FARP1: variants seen among roughly 807,000 people sequenced by gnomAD.
The protein encoded by FARP1 is FERM, ARH/RhoGEF and pleckstrin domain protein 1.
In FARP1, 52 loss-of-function variants were observed where a neutral mutation model predicts 128.8. The observed-to-expected ratio is 0.40, with a 90% CI of 0.32 to 0.51. The LOEUF (loss-of-function observed/expected upper bound fraction) is 0.51, where lower values mean the gene tolerates loss of function less well. Among genes scored for constraint, FARP1 ranks in the 20% least tolerant of loss-of-function variants. The probability of loss-of-function intolerance (pLI) is 0.45; values close to 1 mark genes in which losing one functional copy is unlikely to be tolerated. For synonymous variants in FARP1, 580 were observed against 551.8 expected (o/e 1.05, Z -0.72); for missense variants, 1,333 against 1,367.9 (o/e 0.97, Z 0.40).
intron 1 of FARP1, among the ~76,000 whole-genome samples, chr13:98,184,228 C>T (rs576028698): frequency 6.6e-6 from 1 of 151,864 alleles, no homozygotes; most frequent in Non-Finnish European, 1.5e-5. Flanking sequence ...AGCGATTCTC[C>T]TGCCTCAGCC....
chr13:98,268,289 G>A (rs1884222802), intron 2 of FARP1, among the ~76,000 whole-genome samples: 1 of 152,170 alleles, frequency 6.6e-6, no homozygotes, highest in African/African-American at 2.4e-5. Context: ...TGAAATTTGT[G>A]CTGTCTGGCC....
rs1893286114 is a variant in FARP1, at chr13:98,453,255, T to C, written c.*4938T>C. On this transcript the variant is annotated 3_prime_UTR_variant, in exon 27 of 27. Coordinates refer to ENST00000319562, the MANE Select transcript of FARP1 (RefSeq NM_005766.4). ...AGAAGTCAACACATGTCATTTCTCA[T>C]CCCTGTGCAAAAATTCATATAGTAA... 6.3e-7 allele frequency: 1 copy of C among 1,585,872 alleles called. No individual in the cohort carries two copies. Among genetic ancestry groups the C allele is most frequent in the Non-Finnish European group, 8.6e-7 (1 of 1,167,440 alleles).
chr13:98,384,841 A>ACAT lies in FARP1; in HGVS notation c.609_611dup (p.Ile204dup). The ACAT allele has an allele frequency of 1.9e-6, 3 of 1,590,106 alleles. No homozygotes were observed. The highest frequency in any genetic ancestry group is 2.6e-6 in the Non-Finnish European group (3 of 1,158,102). ...AAAATCGTGGAATTTCACCATAACC[A>ACAT]CATGTAAGTCTCATTCTTGGCTTCA... is the stretch of plus-strand genomic sequence containing the variant. On this transcript the variant is annotated inframe_insertion, in exon 7 of 27. Coordinates refer to ENST00000319562, the MANE Select transcript of FARP1 (RefSeq NM_005766.4).
At chr13:98,246,530 C>T (rs1883076488) in intron 2 of FARP1, among the ~76,000 whole-genome samples, 1 of 152,034 alleles carries the variant, frequency 6.6e-6, no homozygotes, top group Non-Finnish European at 1.5e-5. Context: ...GTTAGAGTCT[C>T]AAAATAAGTG....
chr13:98,179,128 C>CT (rs1312078117), intron 1 of FARP1, among the ~76,000 whole-genome samples: 2 of 152,176 alleles, frequency 1.3e-5, no homozygotes, highest in Non-Finnish European at 2.9e-5. Context: ...AAGAAAAAGG[C>CT]TTAATGGACT....
chr13:98,326,620 G>A (rs1423075432), intron 2 of FARP1, among the ~76,000 whole-genome samples: 1 of 152,172 alleles, frequency 6.6e-6, no homozygotes, highest in African/African-American at 2.4e-5. Flanking sequence ...AGAACAATAT[G>A]TAATTTTCAC....
In FARP1 at chr13:98,453,381, GAGA is replaced by G. The variant is rs1269258149; in HGVS notation, c.*5068_*5070del. ...TTTTAAAAGAATGCATATAAAGACT[GAGA>G]AGATCATGATTCTTACACAAAAACT... On this transcript the variant is annotated 3_prime_UTR_variant, in exon 27 of 27. Transcript: ENST00000319562. The G allele has an allele frequency of 3.2e-4, 206 of 646,090 alleles. No individual in the cohort carries two copies. In the Admixed American group the frequency reaches 4.2e-3, roughly 13 times the overall value. The allele number at this position is 646,090 out of a possible 1,614,324, so 40.0% of individuals were successfully genotyped here.
At chr13:98,179,473 C>G (rs1878348670) in intron 1 of FARP1, among the ~76,000 whole-genome samples, 1 of 152,140 alleles carries the variant, frequency 6.6e-6, no homozygotes, top group African/African-American at 2.4e-5. Context: ...GAAGACTTAT[C>G]TCACATTCCG....
At chr13:98,333,369 A>G (rs1351146289) in intron 2 of FARP1, 1 of 149,174 alleles carries the variant, frequency 6.7e-6, no homozygotes, top group Non-Finnish European at 1.5e-5. Flanking sequence ...TTCTCCCCTA[A>G]ATGTTTTTGT....
intron 12 of FARP1, among the ~76,000 whole-genome samples, chr13:98,394,960 A>G (rs1404991320): frequency 6.6e-6 from 1 of 152,252 alleles, no homozygotes; most frequent in East Asian, 1.9e-4. Flanking sequence ...AAACCCCAGC[A>G]TGAGTCGGCG....
chr13:98,397,000 A>G (rs3848021), intron 13 of FARP1: 91,631 of 152,154 alleles, frequency 0.6, 28,532 homozygotes, highest in Non-Finnish European at 0.69. Flanking sequence ...TCAAGGCCAA[A>G]TGTAAATTGA....
At chr13:98,396,280 C>T in intron 13 of FARP1, 1 of 399,204 alleles carries the variant, frequency 2.5e-6, no homozygotes, top group Non-Finnish European at 4.4e-6. Context: ...GCTGGCACCC[C>T]TGCAAGTGAC....
At chr13:98,311,069 A>G (rs949191253) in intron 2 of FARP1, among the ~76,000 whole-genome samples, 5 of 152,234 alleles carry the variant, frequency 3.3e-5, no homozygotes, top group African/African-American at 1.2e-4. Context: ...GTTGCTTCTT[A>G]GTAATCATTA....
chr13:98,200,612 A>G (rs189649892), intron 1 of FARP1, among the ~76,000 whole-genome samples: 125 of 152,310 alleles, frequency 8.2e-4, no homozygotes, highest in Middle Eastern at 3.4e-3. Context: ...AGTTGAGACT[A>G]GAGCTGTCTC....
chr13:98,262,933 C>T (rs1377854917), intron 2 of FARP1, among the ~76,000 whole-genome samples: 4 of 152,148 alleles, frequency 2.6e-5, no homozygotes, highest in Non-Finnish European at 4.4e-5. Context: ...GTTAGCACGT[C>T]ATTTTACTAA....
chr13:98,148,271 G>T (rs1045957622), intron 1 of FARP1, among the ~76,000 whole-genome samples: 2 of 152,152 alleles, frequency 1.3e-5, no homozygotes, highest in African/African-American at 4.8e-5. Flanking sequence ...CCAGCTACTC[G>T]GGAGGCTGAG....
chr13:98,340,602 T>A (rs980449643), intron 2 of FARP1: 2 of 152,348 alleles, frequency 1.3e-5, no homozygotes, highest in African/African-American at 2.4e-5. Flanking sequence ...CGCCTCGGCC[T>A]CCCAAAGTGC....
At chr13:98,214,696 G>A (rs1033803930) in intron 2 of FARP1, among the ~76,000 whole-genome samples, 12 of 152,142 alleles carry the variant, frequency 7.9e-5, no homozygotes, top group African/African-American at 2.4e-4. Flanking sequence ...AATTTATTGC[G>A]CACTGCAAAC....
chr13:98,240,283 G>C (rs1225837231), intron 2 of FARP1, among the ~76,000 whole-genome samples: 3 of 152,192 alleles, frequency 2.0e-5, no homozygotes, highest in Non-Finnish European at 2.9e-5. Flanking sequence ...GGCCTTGGAG[G>C]GGTCAGCGAG....
Sources: gnomAD v4.1 joint callset for allele counts (sites outside exome capture counted in the v4.1 genomes callset) on GRCh38, gnomAD v4.1.1 for gene constraint, MANE v1.5 for transcripts, NCBI Gene and HGNC (gene_info 2026-07-23, HGNC 2026-07-21) for gene names.